The following NLRP6 variants were observed in gnomAD, a reference collection of about 807,000 sequenced individuals.
NLRP6 encodes the protein NACHT, LRR and PYD domains-containing protein 6.
NLRP6 carries 55 observed loss-of-function variants against 70.9 expected under a neutral mutation model. The ratio of observed to expected loss-of-function variants is 0.78; its 90% CI spans 0.62 to 0.97. NLRP6 has a LOEUF of 0.97. Among genes scored for constraint, NLRP6 ranks in the 50% least tolerant of loss-of-function variants. NLRP6 has a pLI of 0.00. For synonymous variants in NLRP6, 652 were observed against 581.9 expected (o/e 1.12, Z -1.73); for missense variants, 1,241 against 1,238.3 (o/e 1.00, Z -0.03).
rs1397531419 is a variant in NLRP6 at position 281,364 on chromosome 11, A to C, written c.1630A>C (p.Thr544Pro). 1.9e-6 allele frequency: 3 copies of C among 1,610,760 alleles called. No homozygotes were observed. In the African/African-American group the frequency reaches 4.0e-5, roughly 21 times the overall value. Residue 544 changes from threonine (T) to proline (P), a missense_variant, in exon 4 of 8, where the codon ACG becomes CCG. Transcript: ENST00000534750. ...GCCGCACAGCCACTTGGTGCTCACC[A>C]CGCGCTTCCTCTTCGGACTGCTGAG... ...AQPHSHLVLT[T>P]RFLFGLLSAE...
In NLRP6 at chr11:278,603, G is replaced by C. The variant is rs1435589284; in HGVS notation, c.29+5G>C. 1 of 1,587,826 alleles carries C rather than the reference G, an allele frequency of 6.3e-7. No homozygotes were observed. The highest frequency in any genetic ancestry group is 1.8e-5 in the Admixed American group (1 of 56,554). ...GCCAGAGGCCCCCTGCTCCAGGTGA[G>C]TGCTGGCCCCAGGGTGGTCACTGGG... On this transcript the variant is annotated splice_donor_5th_base_variant and intron_variant, in intron 1 of 7. Transcript: ENST00000534750. The surrounding 1 kb of genome is among the most constrained non-coding windows in gnomAD (Gnocchi z 4.7).
Position 281,218 on chromosome 11 carries a change from A to C in NLRP6, c.1484A>C (p.Tyr495Ser). 6.2e-7 allele frequency: 1 copy of C among 1,613,218 alleles called. No homozygotes were observed. Among genetic ancestry groups the C allele is most frequent in the Non-Finnish European group, 8.5e-7 (1 of 1,179,956 alleles). ...LPGVLETEVT[Y>S]QFIDQSFQEF... ...GGCGTGCTGGAGACAGAGGTCACCT[A>C]CCAGTTCATCGACCAGAGCTTCCAG... Residue 495 changes from tyrosine to serine, a missense_variant, in exon 4 of 8, where the codon TAC becomes TCC. By Grantham distance (144) the Tyr-to-Ser change is moderately radical. Coordinates refer to ENST00000534750, the MANE Select transcript of NLRP6 (RefSeq NM_001276700.2).
At chr11:282,585 A>G in intron 4 of NLRP6, 120 bp from the exon 5 acceptor site, 2 of 785,772 alleles carry the variant, frequency 2.5e-6, no homozygotes, top group Middle Eastern at 2.3e-4. Context: ...GGGGTGGCTC[A>G]GCAAGGAGGT....
Position 280,491 on chromosome 11 carries a change from A to T in NLRP6, c.757A>T (p.Ile253Phe), listed in dbSNP as rs543935131. 2 of 1,587,650 alleles carry T rather than the reference A, an allele frequency of 1.3e-6. No individual in the cohort carries two copies. Among genetic ancestry groups the T allele is most frequent in the African/African-American group, 1.4e-5 (1 of 73,242 alleles). ...RPGTRSLADL[I>F]LDQCPDRGAP... ...GGGCACGCGCAGCCTGGCTGACCTGATCCTGGACCAGTGCCCCGACCGCGG... is the reference window on the plus strand; with the variant it reads ...GGGCACGCGCAGCCTGGCTGACCTGTTCCTGGACCAGTGCCCCGACCGCGG... Residue 253 changes from isoleucine to phenylalanine, a missense_variant, in exon 4 of 8, where the codon ATC becomes TTC. Transcript: ENST00000534750.
Position 278,475 on chromosome 11 carries a change from C to A in NLRP6, c.-95C>A. ...CGGGGAATGGACCGGGCTGGACAACCTCTAAGACTTGGCTCCAGCTCAGCC... is the reference window on the plus strand; with the variant it reads ...CGGGGAATGGACCGGGCTGGACAACATCTAAGACTTGGCTCCAGCTCAGCC... On this transcript the variant is annotated 5_prime_UTR_variant, in exon 1 of 8. Coordinates refer to ENST00000534750, the MANE Select transcript of NLRP6 (RefSeq NM_001276700.2). The surrounding 1 kb of genome is among the most constrained non-coding windows in gnomAD (Gnocchi z 4.7). 1 of 1,103,664 alleles carries A rather than the reference C, an allele frequency of 9.1e-7. No homozygotes were observed. Among genetic ancestry groups the A allele is most frequent in the South Asian group, 1.8e-5 (1 of 57,098 alleles). 68.4% of individuals were successfully genotyped at this position (1,103,664 alleles called of 1,614,324 possible). A position where few individuals can be genotyped will look rare whatever the true frequency, so the allele number is the denominator to read the frequency against.
At position 279,447 on chromosome 11, in the gene NLRP6, C is replaced by G. The variant is rs1004217429; in HGVS notation, c.150C>G (p.Ser50Arg). Reference protein sequence around the residue: ...KLRDVGPDGRSIPWGRLERAD... With the variant: ...KLRDVGPDGRRIPWGRLERAD... ...GCGACGTGGGCCCGGACGGACGCAGCATCCCGTGGGGGCGGCTGGAGCGCG... is the reference window on the plus strand; with the variant it reads ...GCGACGTGGGCCCGGACGGACGCAGGATCCCGTGGGGGCGGCTGGAGCGCG... Residue 50 changes from serine (S) to arginine (R), a missense_variant, in exon 2 of 8, where the codon AGC becomes AGG. Ser to Arg is a moderately radical substitution (Grantham distance 110). Coordinates refer to ENST00000534750, the MANE Select transcript of NLRP6 (RefSeq NM_001276700.2). 7.2e-7 allele frequency: 1 copy of G among 1,397,086 alleles called. No individual in the cohort carries two copies. Among genetic ancestry groups the G allele is most frequent in the African/African-American group, 1.5e-5 (1 of 66,004 alleles). 86.5% of individuals were successfully genotyped at this position (1,397,086 alleles called of 1,614,324 possible). A position where few individuals can be genotyped will look rare whatever the true frequency, so the allele number is the denominator to read the frequency against.
intron 7 of NLRP6, 42 bp from the exon 8 acceptor site, chr11:285,124 C>T (rs1281670905): frequency 6.4e-7 from 1 of 1,552,926 alleles, no homozygotes; most frequent in Non-Finnish European, 8.7e-7. Context: ...TGGCTGCTTT[C>T]CCCCACCGCT....
At position 282,801 on chromosome 11, in the gene NLRP6, A is replaced by C. The variant is rs749160203; in HGVS notation, c.2198+4A>C. The C allele has an allele frequency of 1.2e-6, 2 of 1,601,794 alleles. No homozygotes were observed. Among genetic ancestry groups the C allele is most frequent in the Non-Finnish European group, 1.7e-6 (2 of 1,168,878 alleles). On this transcript the variant is annotated splice_donor_region_variant and intron_variant, in intron 5 of 7. Transcript: ENST00000534750. ...TGTGCCATCTGAGCAGCCTCACGTG[A>C]GTGGCCACACCCCCAGCTCTTCCCA... is the stretch of plus-strand genomic sequence containing the variant.
intron 5 of NLRP6, among the ~76,000 whole-genome samples, 160 bp from the exon 6 acceptor site, chr11:284,070 C>A (rs1845517869): frequency 6.6e-6 from 1 of 152,138 alleles, no homozygotes; most frequent in South Asian, 2.1e-4. Flanking sequence ...TGCATGGTGA[C>A]AAAGGGCAGG....
In NLRP6 at chr11:281,482, G is replaced by A; in HGVS notation, c.1748G>A (p.Gly583Glu). 1 of 1,597,684 alleles carries A rather than the reference G, an allele frequency of 6.3e-7. No individual in the cohort carries two copies. Among genetic ancestry groups the A allele is most frequent in the East Asian group, 2.2e-5 (1 of 44,652 alleles). ...QEALRWVQGQGQGCPGVAPEV... is the reference protein window; with the variant it reads ...QEALRWVQGQEQGCPGVAPEV... ...GCCCTGCGGTGGGTGCAGGGACAGG[G>A]ACAGGGCTGCCCCGGAGTGGCACCA... The change falls in exon 4 of 8, where the codon GGA becomes GAA. Residue 583 changes from glycine (G) to glutamate (E), a missense_variant. By Grantham distance (98) the Gly-to-Glu change is moderately conservative. Transcript: ENST00000534750.
rs572309790 is a variant in NLRP6 at position 284,695 on chromosome 11, G to A, written c.2537+53G>A. On this transcript the variant is annotated intron_variant, in intron 7 of 7. Transcript: ENST00000534750. The stretch of plus-strand genomic sequence containing the variant: ...GGGACACAGCCTGTCAACCCGGGGA[G>A]GGGGAGGGTGCCTGGGGGCTCCCCC... 138 of 1,523,792 alleles carry A rather than the reference G, an allele frequency of 9.1e-5. No homozygotes were observed. In the African/African-American group the frequency reaches 1.6e-3, roughly 18 times the overall value. 94.4% of individuals were successfully genotyped at this position (1,523,792 alleles called of 1,614,324 possible). A position where few individuals can be genotyped will look rare whatever the true frequency, so the allele number is the denominator to read the frequency against.
chr11:279,987 G>A, intron 3 of NLRP6, 97 bp from the exon 4 acceptor site: 1 of 1,412,608 alleles, frequency 7.1e-7, no homozygotes, highest in South Asian at 1.5e-5. Flanking sequence ...AGAGGAAACT[G>A]AGGCCTGAGC....
In NLRP6 at chr11:278,437, C is replaced by T. The variant is rs754708761; in HGVS notation, c.-133C>T. On this transcript the variant is annotated 5_prime_UTR_variant, in exon 1 of 8. Transcript: ENST00000534750. The surrounding 1 kb of genome is among the most constrained non-coding windows in gnomAD (Gnocchi z 4.7). ...ACAGCATCTCGTGCCAGCTGAGCTG[C>T]GGTGTGTGGACCCGGGGAATGGACC... 8.7e-5 allele frequency: 56 copies of T among 642,154 alleles called. No homozygotes were observed. Among genetic ancestry groups the T allele is most frequent in the African/African-American group, 4.6e-4 (24 of 52,616 alleles). The allele number at this position is 642,154 out of a possible 1,614,324, so 39.8% of individuals were successfully genotyped here. A position where few individuals can be genotyped will look rare whatever the true frequency, so the allele number is the denominator to read the frequency against.
rs200795197 is a variant in NLRP6, at chr11:281,556, G to A, written c.1822G>A (p.Glu608Lys). Reference sequence around the variant, plus strand: ...GCTCGAGGACACCGAAGAGCCAGAGGAGGAGGAGGAGGGAGAGGAGCCCAA... The same window carrying A: ...GCTCGAGGACACCGAAGAGCCAGAGAAGGAGGAGGAGGGAGAGGAGCCCAA... ...KGLEDTEEPE[E>K]EEEGEEPNYP... Residue 608 changes from glutamate (E) to lysine (K), a missense_variant, in exon 4 of 8, where the codon GAG becomes AAG. Transcript: ENST00000534750. 1.9e-6 allele frequency: 3 copies of A among 1,611,268 alleles called. No individual in the cohort carries two copies. The highest frequency in any genetic ancestry group is 1.3e-5 in the African/African-American group (1 of 74,922).
chr11:283,416 C>A (rs1845506867), intron 5 of NLRP6, among the ~76,000 whole-genome samples: 2 of 151,156 alleles, frequency 1.3e-5, no homozygotes, highest in African/African-American at 4.9e-5. Flanking sequence ...CGGGTTCACG[C>A]CATTCTCCTG....
chr11:281,516 C>T lies in NLRP6; in HGVS notation c.1782C>T (p.Thr594=). The T allele has an allele frequency of 6.2e-7, 1 of 1,605,786 alleles. No homozygotes were observed. The part of the protein sequence containing the change: ...QGCPGVAPEV[T]EGAKGLEDTE... ...GCCCCGGAGTGGCACCAGAGGTGACCGAGGGGGCCAAAGGGCTCGAGGACA... is the reference window on the plus strand; with the variant it reads ...GCCCCGGAGTGGCACCAGAGGTGACTGAGGGGGCCAAAGGGCTCGAGGACA... Residue 594 remains threonine (T), a synonymous_variant, in exon 4 of 8, where the codon ACC becomes ACT. Transcript: ENST00000534750.
At position 284,094 on chromosome 11, in the gene NLRP6, G is replaced by T. The variant is rs78086324; in HGVS notation, c.2199-136G>T. 6.7e-3 allele frequency: 5,028 copies of T among 746,192 alleles called. 178 individuals are homozygous for T. In the African/African-American group the frequency reaches 0.077, roughly 11 times the overall value. The allele number at this position is 746,192 out of a possible 1,614,324, so 46.2% of individuals were successfully genotyped here. Reference sequence around the variant, plus strand: ...ACAAAGGGCAGGGCAGGCTCTGCGAGGTCCAGGGAAGGATGTGGCACCAAC... The same window carrying T: ...ACAAAGGGCAGGGCAGGCTCTGCGATGTCCAGGGAAGGATGTGGCACCAAC... On this transcript the variant is annotated intron_variant, in intron 5 of 7. Coordinates refer to ENST00000534750, the MANE Select transcript of NLRP6 (RefSeq NM_001276700.2).
chr11:281,687 C>G lies in NLRP6; in HGVS notation c.1953C>G (p.Phe651Leu). 1 of 1,613,476 alleles carries G rather than the reference C, an allele frequency of 6.2e-7. No homozygotes were observed. The highest frequency in any genetic ancestry group is 8.5e-7 in the Non-Finnish European group (1 of 1,180,028). Residue 651 changes from phenylalanine (F) to leucine (L), a missense_variant, in exon 4 of 8, where the codon TTC becomes TTG. Phe to Leu is a conservative substitution (Grantham distance 22). Coordinates refer to ENST00000534750, the MANE Select transcript of NLRP6 (RefSeq NM_001276700.2). The part of the protein sequence containing the change: ...FPELALQRVR[F>L]CRMDVAVLSY... ...AGCTGGCGCTGCAGCGAGTGCGCTT[C>G]TGCCGCATGGACGTGGCTGTTCTGA...
Position 282,806 on chromosome 11 carries a change from C to A in NLRP6, c.2198+9C>A. On this transcript the variant is annotated intron_variant, in intron 5 of 7. Transcript: ENST00000534750. ...CATCTGAGCAGCCTCACGTGAGTGG[C>A]CACACCCCCAGCTCTTCCCACGGAG... 6.3e-7 allele frequency: 1 copy of A among 1,587,742 alleles called. No individual in the cohort carries two copies. The highest frequency in any genetic ancestry group is 8.6e-7 in the Non-Finnish European group (1 of 1,156,200).
Sources: gnomAD v4.1 joint callset for allele counts (sites outside exome capture counted in the v4.1 genomes callset) on GRCh38, gnomAD v4.1.1 for gene constraint, Gnocchi (gnomAD v3.1) non-coding constraint, MANE v1.5 for transcripts, NCBI Gene and HGNC (gene_info 2026-07-23, HGNC 2026-07-21) for gene names.